Variants in USH2A observed in about 807,000 individuals in gnomAD.
USH2A encodes usherin.
USH2A carries 443 observed loss-of-function variants against 538.9 expected under a neutral mutation model. That is an observed-to-expected ratio of 0.82 (90% CI 0.76 to 0.89). The LOEUF is 0.89. Among genes scored for constraint, USH2A ranks in the 40% least tolerant of loss-of-function variants. The pLI, the probability that USH2A is intolerant of heterozygous loss-of-function variation, is 0.00. For synonymous variants in USH2A, 2,413 were observed against 2,273.5 expected, an observed-to-expected ratio of 1.06 and a Z score of -1.75; for missense variants, 6,633 against 6,324.8, an observed-to-expected ratio of 1.05 and a Z score of -1.65.
intron 9 of USH2A, among the ~76,000 whole-genome samples, chr1:216,306,171 C>T (rs746524661): frequency 6.6e-6 from 1 of 152,080 alleles, no homozygotes; most frequent in African/African-American, 2.4e-5. Flanking sequence ...GGTCGTTTAA[C>T]ATAATCCCAA....
chr1:216,141,244 A>G (rs1010518210), intron 21 of USH2A, among the ~76,000 whole-genome samples: 9 of 152,230 alleles, frequency 5.9e-5, no homozygotes, highest in Non-Finnish European at 1.2e-4. Context: ...CGAAGAAAAC[A>G]AAAATTGCAG....
At chr1:215,925,734 T>C (rs1343375096) in intron 38 of USH2A, among the ~76,000 whole-genome samples, 2 of 152,210 alleles carry the variant, frequency 1.3e-5, no homozygotes, top group East Asian at 3.8e-4. Context: ...CTTTGTACTC[T>C]TTCAATTTTT....
intron 55 of USH2A, among the ~76,000 whole-genome samples, chr1:215,771,819 A>G (rs1172750065): frequency 6.6e-6 from 1 of 152,102 alleles, no homozygotes; most frequent in Non-Finnish European, 1.5e-5. Flanking sequence ...TTCTATATCT[A>G]TAAACTGTAG....
intron 70 of USH2A, 123 bp from the exon 71 acceptor site, chr1:215,629,158 G>T: frequency 9.7e-7 from 1 of 1,030,492 alleles, no homozygotes; most frequent in Non-Finnish European, 1.5e-6. Context: ...TTGTCACATT[G>T]TCAATGAAGG....
At chr1:215,886,632 G>C (rs1310875269) in intron 41 of USH2A, 1 of 152,114 alleles carries the variant, frequency 6.6e-6, no homozygotes, top group Non-Finnish European at 1.5e-5. Context: ...CCAATGCCTT[G>C]TGGCCTCAGG....
intron 40 of USH2A, among the ~76,000 whole-genome samples, chr1:215,897,018 T>C (rs1342345565): frequency 1.3e-5 from 2 of 152,104 alleles, no homozygotes; most frequent in Non-Finnish European, 2.9e-5. Flanking sequence ...TAAAAATGCA[T>C]GGAACTGGAT....
intron 61 of USH2A, among the ~76,000 whole-genome samples, chr1:215,696,206 T>C (rs190944230): frequency 5.9e-5 from 9 of 152,324 alleles, no homozygotes; most frequent in South Asian, 2.1e-4. Flanking sequence ...GAAAAAGTTA[T>C]TAAGAAAATC....
chr1:216,293,081 G>A (rs1294387728), intron 9 of USH2A, among the ~76,000 whole-genome samples: 1 of 145,214 alleles, frequency 6.9e-6, no homozygotes, highest in Non-Finnish European at 1.5e-5. Flanking sequence ...CTGGAGTGCA[G>A]TGGCATGATC....
At chr1:216,092,536 C>G (rs533199551) in intron 22 of USH2A, among the ~76,000 whole-genome samples, 4 of 152,318 alleles carry the variant, frequency 2.6e-5, no homozygotes, top group African/African-American at 9.6e-5. Context: ...ATTGATATTA[C>G]TTTGGAAAAA....
chr1:216,197,898 A>G (rs1477316003), intron 18 of USH2A, among the ~76,000 whole-genome samples: 2 of 152,114 alleles, frequency 1.3e-5, no homozygotes, highest in Non-Finnish European at 2.9e-5. Flanking sequence ...TTATTTTGGA[A>G]AGATAAATAA....
At chr1:216,207,149 C>T in intron 16 of USH2A, 124 bp downstream of exon 16, 1 of 1,162,648 alleles carries the variant, frequency 8.6e-7, no homozygotes, top group Admixed American at 2.1e-5. Context: ...AATTTTATCT[C>T]TGTTTGAAAC....
At chr1:215,744,103 G>C (rs1660396200) in intron 58 of USH2A, among the ~76,000 whole-genome samples, 2 of 152,128 alleles carry the variant, frequency 1.3e-5, no homozygotes, top group East Asian at 1.9e-4. Flanking sequence ...CACCAATTTT[G>C]CTTGTGACAA....
Position 215,931,429 on chromosome 1 carries a change from G to A in USH2A, c.7300+3187C>T, listed in dbSNP as rs544758737. On this transcript the variant is annotated intron_variant, in intron 38 of 71. Transcript: ENST00000307340. ...TTTATTCTATGCTCACCTGAGAAAA[G>A]TAACCACTATAGGGAAGAATAAAAG... is the stretch of plus-strand genomic sequence containing the variant. 7.2e-5 allele frequency among the ~76,000 whole-genome samples: 11 copies of A among 151,980 alleles called. No homozygotes were observed. The South Asian group carries it at 2.3e-3, about 32-fold the overall frequency.
At chr1:215,665,541 A>G (rs536183615) in intron 64 of USH2A, among the ~76,000 whole-genome samples, 2 of 152,352 alleles carry the variant, frequency 1.3e-5, no homozygotes, top group South Asian at 4.1e-4. Context: ...ATATGAATGC[A>G]CAATTACTGA....
At chr1:216,195,093 A>G (rs936096046) in intron 19 of USH2A, among the ~76,000 whole-genome samples, 4 of 152,126 alleles carry the variant, frequency 2.6e-5, no homozygotes, top group Admixed American at 2.6e-4. Context: ...TTCAGTAAAA[A>G]CAGAACATCT....
chr1:215,885,225 A>G (rs1665017138), intron 41 of USH2A, among the ~76,000 whole-genome samples: 1 of 147,890 alleles, frequency 6.8e-6, no homozygotes, highest in African/African-American at 2.6e-5. Context: ...GCATCTATTG[A>G]TAAAAAAAAA....
intron 13 of USH2A, among the ~76,000 whole-genome samples, chr1:216,240,008 A>G (rs576633500): frequency 0.012 from 975 of 82,212 alleles, 10 homozygotes; most frequent in African/African-American, 0.042. Flanking sequence ...CAGAGATGAA[A>G]TAAACAAAAA....
intron 16 of USH2A, 130 bp from the exon 17 acceptor site, chr1:216,200,251 C>T (rs1027480438): frequency 3.0e-6 from 3 of 990,926 alleles, no homozygotes; most frequent in South Asian, 1.7e-5. Context: ...ATTAAGGATA[C>T]ATTTCATATT....
rs146227543 is a variant in USH2A, at chr1:215,963,440, C to A, written c.7120+1877G>T. On this transcript the variant is annotated intron_variant, in intron 37 of 71. Transcript: ENST00000307340. ...CCCCTTTCCAACCCCTGAGTTGAAC[C>A]CGTACCGCAAAAATTCTTTAAGTCA... Among the ~76,000 whole-genome samples, 16 of 152,212 alleles carry A rather than the reference C, an allele frequency of 1.1e-4. No individual in the cohort carries two copies. The East Asian group carries it at 2.9e-3, about 28-fold the overall frequency.
Sources: gnomAD v4.1 joint callset for allele counts (sites outside exome capture counted in the v4.1 genomes callset) on GRCh38, gnomAD v4.1.1 for gene constraint, MANE v1.5 for transcripts, NCBI Gene and HGNC (gene_info 2026-07-23, HGNC 2026-07-21) for gene names.